The following MTAP variants were observed in gnomAD, a reference collection of about 807,000 sequenced individuals.
MTAP encodes the protein S-methyl-5'-thioadenosine phosphorylase.
Under a neutral mutation model 33.6 loss-of-function variants are expected in MTAP, and 33 were observed. The observed-to-expected ratio is 0.98, with a 90% confidence interval of 0.74 to 1.31. The LOEUF is 1.31. Among genes scored for constraint, MTAP ranks in the 40% most tolerant of loss-of-function variants. MTAP has a pLI of 0.00. For missense variants in MTAP, 367 were observed against 360.0 expected (o/e 1.02, Z -0.16); for synonymous variants, 148 against 125.7 (o/e 1.18, Z -1.19).
At chr9:21,848,757 T>C (rs1335540410) in intron 5 of MTAP, among the ~76,000 whole-genome samples, 2 of 152,188 alleles carry the variant, frequency 1.3e-5, no homozygotes. Flanking sequence ...CTTCTCTGTA[T>C]GTCAGATCTA....
In MTAP at chr9:21,812,936, G is replaced by A. The variant is rs574263218; in HGVS notation, c.34-2497G>A. The stretch of plus-strand genomic sequence containing the variant: ...GCTTCTCTTTCTTCGTTTGTAAAAC[G>A]GGTAACATTCTATAGGGCCCATCTT... On this transcript the variant is annotated intron_variant, in intron 1 of 7. Coordinates refer to ENST00000644715, the MANE Select transcript of MTAP (RefSeq NM_002451.4). 5.3e-5 allele frequency among the ~76,000 whole-genome samples: 8 copies of A among 152,254 alleles called. No individual in the cohort carries two copies. The East Asian group carries it at 5.8e-4, about 11-fold the overall frequency.
chr9:21,805,991 C>G (rs552347085), intron 1 of MTAP, among the ~76,000 whole-genome samples: 1 of 152,156 alleles, frequency 6.6e-6, no homozygotes, highest in South Asian at 2.1e-4. Context: ...ATGGAAATCA[C>G]GGATGCACAG....
At chr9:21,917,047 A>G (rs934706810) in intron 1 of MTAP, among the ~76,000 whole-genome samples, 1 of 152,206 alleles carries the variant, frequency 6.6e-6, no homozygotes, top group African/African-American at 2.4e-5. Context: ...GATTGAATGT[A>G]GGTTTTGAGG....
rs79585870 is a variant in MTAP, at chr9:21,858,197, G to A, written c.691-1106G>A. On this transcript the variant is annotated intron_variant, in intron 6 of 7. Transcript: ENST00000644715. ...CGTACCTGTTTGGTTTTCCAGTGTA[G>A]CAACAGTTTTAACATTGTAATCCCT... is the stretch of plus-strand genomic sequence containing the variant. Among the ~76,000 whole-genome samples the A allele has an allele frequency of 1.5e-3, 232 of 152,254 alleles. 1 individual carries two copies. The highest frequency in any genetic ancestry group is 4.2e-3 in the Admixed American group (64 of 15,290).
intron 4 of MTAP, among the ~76,000 whole-genome samples, chr9:21,821,537 T>A (rs1014604798): frequency 1.3e-5 from 2 of 152,242 alleles, no homozygotes; most frequent in African/African-American, 4.8e-5. Flanking sequence ...CAGTATTTTA[T>A]TGAGGATTTT....
rs760723668 is a variant in MTAP, at chr9:21,930,992, T to G, written c.148-16T>G. 5.3e-6 allele frequency: 4 copies of G among 757,696 alleles called. No individual in the cohort carries two copies. In the Admixed American group the frequency reaches 6.9e-5, roughly 13 times the overall value. 46.9% of individuals were successfully genotyped at this position (757,696 alleles called of 1,614,324 possible). ...AAATCTAATAACCCAATTTGTCTCC[T>G]TTCTCTCACCTTTAGATGATCAAGT... On this transcript the variant is annotated splice_polypyrimidine_tract_variant and intron_variant, in intron 1 of 1. Coordinates refer to the MTAP transcript ENST00000577563.
intron 1 of MTAP, among the ~76,000 whole-genome samples, chr9:21,896,241 C>T (rs778173096): frequency 6.6e-6 from 1 of 152,154 alleles, no homozygotes; most frequent in Non-Finnish European, 1.5e-5. Flanking sequence ...ATACCAGAAT[C>T]TCTGGTACAC....
At chr9:21,893,869 A>T (rs1818239556) in intron 1 of MTAP, 1 of 151,978 alleles carries the variant, frequency 6.6e-6, no homozygotes, top group Non-Finnish European at 1.5e-5. Flanking sequence ...AAAAAAAAAA[A>T]ATCAAAGGAG....
At chr9:21,901,790 G>T (rs1818397303) in intron 1 of MTAP, among the ~76,000 whole-genome samples, 1 of 152,172 alleles carries the variant, frequency 6.6e-6, no homozygotes, top group Non-Finnish European at 1.5e-5. Context: ...GCTATTTACA[G>T]CCAATGCCAT....
intron 1 of MTAP, among the ~76,000 whole-genome samples, chr9:21,884,015 T>G (rs1304881585): frequency 2.0e-5 from 3 of 152,136 alleles, no homozygotes; most frequent in Non-Finnish European, 2.9e-5. Flanking sequence ...TTCTAGTGGA[T>G]GTCGTCACAT....
At chr9:21,868,528 C>G (rs1310473466), downstream of MTAP, among the ~76,000 whole-genome samples, 3 of 152,170 alleles carry the variant, frequency 2.0e-5, no homozygotes, top group African/African-American at 7.2e-5. Context: ...TTTGTAAAGG[C>G]AGGAGTTGTT....
intron 1 of MTAP, among the ~76,000 whole-genome samples, chr9:21,927,675 C>T (rs904343331): frequency 6.6e-6 from 1 of 152,182 alleles, no homozygotes; most frequent in Admixed American, 6.5e-5. Context: ...CTATATGTCC[C>T]TTCACCCAGT....
intron 1 of MTAP, among the ~76,000 whole-genome samples, chr9:21,807,714 C>G (rs1172017446): frequency 3.3e-5 from 5 of 152,160 alleles, no homozygotes; most frequent in African/African-American, 1.2e-4. Flanking sequence ...AGGTTTTGTA[C>G]TGCTCAGCAG....
At chr9:21,803,717 G>C (rs1824129581) in intron 1 of MTAP, among the ~76,000 whole-genome samples, 1 of 108,356 alleles carries the variant, frequency 9.2e-6, no homozygotes, top group African/African-American at 5.0e-5. Flanking sequence ...TTTATTACTG[G>C]CTAAGAATGC....
chr9:21,808,114 C>G (rs1020164336), intron 1 of MTAP, among the ~76,000 whole-genome samples: 7 of 152,208 alleles, frequency 4.6e-5, no homozygotes, highest in African/African-American at 1.7e-4. Flanking sequence ...GGGCTGGGGC[C>G]CAGCAATCTA....
At chr9:21,847,789 T>G (rs1022767876) in intron 5 of MTAP, among the ~76,000 whole-genome samples, 5 of 152,172 alleles carry the variant, frequency 3.3e-5, no homozygotes, top group African/African-American at 1.2e-4. Flanking sequence ...AAGACTTATC[T>G]CCTGTAGAGA....
intron 3 of MTAP, 79 bp downstream of exon 3, chr9:21,816,851 T>C: frequency 8.1e-7 from 1 of 1,236,954 alleles, no homozygotes. Context: ...AGAGTAAAGA[T>C]ACAGGTCTGA....
At chr9:21,912,304 C>G (rs1334774499) in intron 1 of MTAP, among the ~76,000 whole-genome samples, 1 of 152,166 alleles carries the variant, frequency 6.6e-6, no homozygotes, top group African/African-American at 2.4e-5. Context: ...CATCCTGATA[C>G]CAAAGCCTGG....
At chr9:21,832,657 A>G (rs896416330) in intron 4 of MTAP, among the ~76,000 whole-genome samples, 1 of 152,126 alleles carries the variant, frequency 6.6e-6, no homozygotes, top group Non-Finnish European at 1.5e-5. Context: ...CCCCTGGATG[A>G]GGTTCATTCT....
Sources: allele counts gnomAD v4.1 joint callset (sites outside exome capture counted in the v4.1 genomes callset), GRCh38; gene constraint gnomAD v4.1.1; transcripts MANE v1.5; gene names NCBI Gene and HGNC (gene_info 2026-07-23, HGNC 2026-07-21).